The following KCNAB1 variants were observed in gnomAD, a reference collection of about 807,000 sequenced individuals.
KCNAB1 encodes potassium voltage-gated channel subfamily A regulatory beta subunit 1.
In KCNAB1, 35 loss-of-function variants were observed where a neutral mutation model predicts 64.6. The observed-to-expected ratio is 0.54, with a 90% CI of 0.41 to 0.72. The LOEUF is 0.72. Among genes scored for constraint, KCNAB1 ranks in the 30% least tolerant of loss-of-function variants. The probability of loss-of-function intolerance (pLI) is 0.00; values close to 1 mark genes in which losing one functional copy is unlikely to be tolerated. For missense variants in KCNAB1, 401 were observed against 512.9 expected (o/e 0.78, Z 2.11); for synonymous variants, 177 against 183.8 (o/e 0.96, Z 0.30).
At chr3:156,439,202 AG>A (rs1716814236) in intron 2 of KCNAB1, among the ~76,000 whole-genome samples, 1 of 150,058 alleles carries the variant, frequency 6.7e-6, no homozygotes, top group Non-Finnish European at 1.5e-5. Flanking sequence ...CAAAAAAAAA[AG>A]TGTTAATTTG....
At chr3:156,373,279 A>C (rs997959343) in intron 1 of KCNAB1, among the ~76,000 whole-genome samples, 4 of 152,218 alleles carry the variant, frequency 2.6e-5, no homozygotes, top group Admixed American at 2.6e-4. Context: ...CGGGCCAGGG[A>C]AAAACACCAC....
At chr3:156,387,014 C>CTTTTTTTTTTTTTTTT (rs1194708289) in intron 1 of KCNAB1, among the ~76,000 whole-genome samples, 29 of 90,498 alleles carry the variant, frequency 3.2e-4, no homozygotes, top group African/African-American at 5.4e-4. Context: ...TTCTCTCTCT[C>CTTTTTTTTTTTTTTTT]TTTTTTTTTT....
intron 1 of KCNAB1, among the ~76,000 whole-genome samples, chr3:156,333,697 T>C (rs1251898542): frequency 6.6e-6 from 1 of 152,208 alleles, no homozygotes; most frequent in Non-Finnish European, 1.5e-5. Flanking sequence ...TTCATGCACA[T>C]TGACAAATTA....
Position 156,509,766 on chromosome 3 carries a change from A to G in KCNAB1, c.659-4598A>G, listed in dbSNP as rs538383292. ...CAGAGGCAGGTGATGCAGTGCACTA[A>G]ACTATCTTTCTAACATCCTTTCCTC... On this transcript the variant is annotated intron_variant, in intron 8 of 13. Transcript: ENST00000490337. 7.0e-4 allele frequency among the ~76,000 whole-genome samples: 107 copies of G among 152,290 alleles called. 1 individual carries two copies. The highest frequency in any genetic ancestry group is 2.6e-3 in the African/African-American group (106 of 41,550).
At chr3:156,479,822 C>A (rs1714658088) in intron 8 of KCNAB1, among the ~76,000 whole-genome samples, 1 of 152,090 alleles carries the variant, frequency 6.6e-6, no homozygotes, top group Non-Finnish European at 1.5e-5. Context: ...CCAGATGTCT[C>A]AATTTCAAAT....
At chr3:156,278,437 G>A (rs1462534536) in intron 1 of KCNAB1, among the ~76,000 whole-genome samples, 5 of 152,234 alleles carry the variant, frequency 3.3e-5, no homozygotes, top group East Asian at 3.9e-4. Flanking sequence ...CTAGCTTCAC[G>A]AAGTCTATTT....
At chr3:156,315,661 G>C (rs1011030492) in intron 1 of KCNAB1, among the ~76,000 whole-genome samples, 1 of 151,718 alleles carries the variant, frequency 6.6e-6, no homozygotes, top group African/African-American at 2.4e-5. Flanking sequence ...TAGCATAAAT[G>C]AACCCATTTA....
intron 1 of KCNAB1, among the ~76,000 whole-genome samples, chr3:156,128,828 A>G (rs1054109319): frequency 5.3e-5 from 8 of 152,240 alleles, no homozygotes; most frequent in African/African-American, 1.9e-4. Flanking sequence ...TATATAACAT[A>G]CACCTAAAAT....
chr3:156,512,238 C>T (rs1717260982), intron 8 of KCNAB1, among the ~76,000 whole-genome samples: 1 of 152,240 alleles, frequency 6.6e-6, no homozygotes, highest in African/African-American at 2.4e-5. Flanking sequence ...GCAACCAGCA[C>T]AGTGACTGGC....
intron 12 of KCNAB1, among the ~76,000 whole-genome samples, chr3:156,528,244 T>C (rs1718465160): frequency 6.6e-6 from 1 of 151,378 alleles, no homozygotes; most frequent in Admixed American, 6.6e-5. Context: ...ATTTTGCCCA[T>C]GTGGAAATTC....
intron 1 of KCNAB1, among the ~76,000 whole-genome samples, chr3:156,366,282 A>G (rs1005144017): frequency 1.3e-5 from 2 of 152,236 alleles, no homozygotes; most frequent in Non-Finnish European, 2.9e-5. Flanking sequence ...ATAACTGAAC[A>G]TATGGAAGGC....
At chr3:156,176,676 G>T (rs536345963) in intron 1 of KCNAB1, 2 of 1,044,774 alleles carry the variant, frequency 1.9e-6, no homozygotes, top group Non-Finnish European at 3.0e-6. Context: ...AAGGTGGATC[G>T]GTTGGGGGTG....
At position 156,537,595 on chromosome 3, in the gene KCNAB1, G is replaced by T. The variant is rs1719145530; in HGVS notation, c.*848G>T. 1 of 152,672 alleles carries T rather than the reference G, an allele frequency of 6.5e-6. No individual in the cohort carries two copies. The allele number at this position is 152,672 out of a possible 1,614,324, so 9.5% of individuals were successfully genotyped here. A position where few individuals can be genotyped will look rare whatever the true frequency, so the allele number is the denominator to read the frequency against. ...ATGGAAACTTAGCTTCAAAGAAAAT[G>T]CAATGTATCTGCAATTAGGTGTTCA... On this transcript the variant is annotated 3_prime_UTR_variant, in exon 14 of 14. Transcript: ENST00000490337.
At chr3:156,302,361 T>C (rs536319869) in intron 1 of KCNAB1, among the ~76,000 whole-genome samples, 1 of 152,128 alleles carries the variant, frequency 6.6e-6, no homozygotes, top group East Asian at 1.9e-4. Flanking sequence ...TAGACGTCTT[T>C]CATGGGCCAG....
chr3:156,204,948 A>T (rs948925610), intron 1 of KCNAB1, among the ~76,000 whole-genome samples: 1 of 152,228 alleles, frequency 6.6e-6, no homozygotes, highest in Non-Finnish European at 1.5e-5. Flanking sequence ...TTATTTTTTT[A>T]AAAATTGTGG....
chr3:156,352,171 C>T (rs1440354038), intron 1 of KCNAB1, among the ~76,000 whole-genome samples: 1 of 152,204 alleles, frequency 6.6e-6, no homozygotes, highest in South Asian at 2.1e-4. Context: ...CCTAGCTCAC[C>T]CTAGAGTACC....
chr3:156,430,021 T>C (rs766584387), intron 2 of KCNAB1, among the ~76,000 whole-genome samples: 1 of 152,248 alleles, frequency 6.6e-6, no homozygotes, highest in African/African-American at 2.4e-5. Context: ...TTTTCCAAAA[T>C]TGTCTAAAAA....
intron 1 of KCNAB1, among the ~76,000 whole-genome samples, chr3:156,275,118 A>G (rs1177372985): frequency 1.3e-5 from 2 of 152,198 alleles, no homozygotes; most frequent in Non-Finnish European, 2.9e-5. Context: ...CAGACAGTAC[A>G]GGTATACTTT....
chr3:156,421,972 A>T (rs530754084), intron 2 of KCNAB1, among the ~76,000 whole-genome samples: 3 of 152,230 alleles, frequency 2.0e-5, no homozygotes, highest in South Asian at 2.1e-4. Flanking sequence ...CATGCATTTT[A>T]TAGGTTCAGT....
Sources: allele counts gnomAD v4.1 joint callset (sites outside exome capture counted in the v4.1 genomes callset), GRCh38; gene constraint gnomAD v4.1.1; transcripts MANE v1.5; gene names NCBI Gene and HGNC (gene_info 2026-07-23, HGNC 2026-07-21).